PIGR: variants seen among roughly 807,000 people sequenced by gnomAD.
PIGR encodes polymeric immunoglobulin receptor, also known as hepatocellular carcinoma associated protein TB6.
PIGR carries 22 observed loss-of-function variants against 69.5 expected under a neutral mutation model. That is an observed-to-expected ratio of 0.32 (90% CI 0.23 to 0.45). The LOEUF (loss-of-function observed/expected upper bound fraction) is 0.45, where lower values mean the gene tolerates loss of function less well. PIGR is among the 20% of genes least tolerant of loss of function. The pLI, the probability that PIGR is intolerant of heterozygous loss-of-function variation, is 1.00. For missense variants in PIGR, 885 were observed against 974.0 expected, an observed-to-expected ratio of 0.91 and a Z score of 1.22; for synonymous variants, 413 against 407.6, an observed-to-expected ratio of 1.01 and a Z score of -0.16.
intron 10 of PIGR, chr1:206,931,255 G>T (rs1679741144): frequency 1.0e-6 from 1 of 985,264 alleles, no homozygotes; most frequent in African/African-American, 1.7e-5. Context: ...CCTCTCTCCT[G>T]CAGTTTTACA....
chr1:206,933,065 T>G lies in PIGR; in HGVS notation c.1807A>C (p.Arg603=). The G allele has an allele frequency of 6.2e-7, 1 of 1,614,228 alleles. No individual in the cohort carries two copies. The stretch of plus-strand genomic sequence containing the variant: ...ACCGCCTTTTCCTCTGCAAAAAGCC[T>G]GGGATCCTGAATGGCTTTGTTCTCA... ...EIENKAIQDP[R]LFAEEKAVAD... The change falls in exon 7 of 11, where the codon AGG becomes CGG. Residue 603 remains arginine (R), a synonymous_variant. Coordinates refer to ENST00000356495, the MANE Select transcript of PIGR (RefSeq NM_002644.4).
intron 7 of PIGR, 27 bp downstream of exon 7, chr1:206,932,959 A>G (rs1679786828): frequency 6.2e-7 from 1 of 1,611,326 alleles, no homozygotes; most frequent in Admixed American, 1.7e-5. Context: ...GTGTTCTCCG[A>G]GTGGGGAGCC....
At chr1:206,931,406 C>G in intron 10 of PIGR, 91 bp downstream of exon 10, 3 of 1,611,996 alleles carry the variant, frequency 1.9e-6, no homozygotes, top group Non-Finnish European at 2.5e-6. Flanking sequence ...GGATCGGCCC[C>G]CATGTTGAGG....
chr1:206,944,884 G>A (rs962168145), intron 1 of PIGR, among the ~76,000 whole-genome samples: 3 of 152,056 alleles, frequency 2.0e-5, no homozygotes, highest in Non-Finnish European at 4.4e-5. Flanking sequence ...ATAGACTCAC[G>A]GTGTCTTGGT....
At chr1:206,933,290 G>A (rs887426166) in intron 6 of PIGR, 124 bp from the exon 7 acceptor site, 1 of 883,334 alleles carries the variant, frequency 1.1e-6, no homozygotes, top group African/African-American at 1.7e-5. Flanking sequence ...CAAGGCTGTT[G>A]GGGTAGGACC....
At position 206,933,068 on chromosome 1, in the gene PIGR, G is replaced by A; in HGVS notation, c.1804C>T (p.Pro602Ser). ...GCCTTTTCCTCTGCAAAAAGCCTGGGATCCTGAATGGCTTTGTTCTCAATC... is the reference window on the plus strand; with the variant it reads ...GCCTTTTCCTCTGCAAAAAGCCTGGAATCCTGAATGGCTTTGTTCTCAATC... ...REIENKAIQD[P>S]RLFAEEKAVA... Residue 602 changes from proline to serine, a missense_variant, in exon 7 of 11, where the codon CCC becomes TCC. By Grantham distance (74) the Pro-to-Ser change is moderately conservative. Coordinates refer to ENST00000356495, the MANE Select transcript of PIGR (RefSeq NM_002644.4). 6.2e-7 allele frequency: 1 copy of A among 1,614,180 alleles called. No homozygotes were observed. The highest frequency in any genetic ancestry group is 8.5e-7 in the Non-Finnish European group (1 of 1,180,010).
chr1:206,931,098 G>T, intron 10 of PIGR: 1 of 985,444 alleles, frequency 1.0e-6, no homozygotes, highest in Non-Finnish European at 1.2e-6. Context: ...CAGGCAAAAA[G>T]CTGGTCCTGA....
At position 206,930,445 on chromosome 1, in the gene PIGR, G is replaced by C. The variant is rs1679714770; in HGVS notation, c.2200-32C>G. ...GGCAAGAGGAGAGGCATCAGTGTTGGGGGCACTGGCTCAGTGGGTGGAGTC... is the reference window on the plus strand; with the variant it reads ...GGCAAGAGGAGAGGCATCAGTGTTGCGGGCACTGGCTCAGTGGGTGGAGTC... On this transcript the variant is annotated intron_variant, in intron 10 of 10. Transcript: ENST00000356495. The surrounding 1 kb of genome is among the most constrained non-coding windows in gnomAD (Gnocchi z 4.3). 6.2e-7 allele frequency: 1 copy of C among 1,603,720 alleles called. No individual in the cohort carries two copies. The highest frequency in any genetic ancestry group is 8.5e-7 in the Non-Finnish European group (1 of 1,175,122).
intron 1 of PIGR, among the ~76,000 whole-genome samples, chr1:206,943,328 A>G (rs1680034396): frequency 6.6e-6 from 1 of 152,154 alleles, no homozygotes; most frequent in African/African-American, 2.4e-5. Context: ...ATTTGAGGTC[A>G]CTACCCCATT....
Position 206,935,559 on chromosome 1 carries a change from G to C in PIGR, c.1305C>G (p.Asp435Glu). 6.2e-7 allele frequency: 1 copy of C among 1,614,182 alleles called. No individual in the cohort carries two copies. Among genetic ancestry groups the C allele is most frequent in the Non-Finnish European group, 8.5e-7 (1 of 1,180,020 alleles). The part of the protein sequence containing the change: ...TVILNQLTSR[D>E]AGFYWCLTNG... ...TGGTCAGACACCAGTAGAAGCCGGC[G>C]TCCCGGCTGGTGAGCTGGTTGAGGA... The change falls in exon 5 of 11, where the codon GAC (aspartate) becomes GAG (glutamate). Residue 435 changes from aspartate (D) to glutamate (E), a missense_variant. Physicochemically the swap from Asp to Glu is conservative, Grantham distance 45. Coordinates refer to ENST00000356495, the MANE Select transcript of PIGR (RefSeq NM_002644.4). The surrounding 1 kb of genome is among the most constrained non-coding windows in gnomAD (Gnocchi z 4.4).
intron 1 of PIGR, among the ~76,000 whole-genome samples, chr1:206,943,909 A>T (rs948306735): frequency 2.0e-5 from 3 of 152,136 alleles, no homozygotes; most frequent in African/African-American, 7.2e-5. Context: ...ACCATAGGAG[A>T]TGGGACAAAA....
intron 8 of PIGR, among the ~76,000 whole-genome samples, chr1:206,932,226 C>T (rs1379379548): frequency 6.6e-6 from 1 of 152,192 alleles, no homozygotes; most frequent in Non-Finnish European, 1.5e-5. Context: ...TGTCTCTGAA[C>T]CTAGATCCTG....
rs1439057759 is a variant in PIGR at position 206,930,359 on chromosome 1, T to C, written c.2254A>G (p.Thr752Ala). ...AYKDFLLQSS[T>A]VAAEAQDGPQ... ...CCGTCCTGGGCCTCGGCGGCCACGG[T>C]GCTGGACTGGAGCAGGAAGTCTTTG... is the stretch of plus-strand genomic sequence containing the variant. The change falls in exon 11 of 11, where the codon ACC (threonine) becomes GCC (alanine). Residue 752 changes from threonine to alanine, a missense_variant. By Grantham distance (58) the Thr-to-Ala change is moderately conservative. Transcript: ENST00000356495. This position sits in a 1 kb window ranked among gnomAD's most constrained non-coding sequence, Gnocchi z 4.3. 6.2e-7 allele frequency: 1 copy of C among 1,612,816 alleles called. No homozygotes were observed. The highest frequency in any genetic ancestry group is 1.3e-5 in the African/African-American group (1 of 74,950).
At position 206,930,699 on chromosome 1, in the gene PIGR, C is replaced by A; in HGVS notation, c.2200-286G>T. 2 of 985,442 alleles carry A rather than the reference C, an allele frequency of 2.0e-6. No homozygotes were observed. The highest frequency in any genetic ancestry group is 2.4e-6 in the Non-Finnish European group (2 of 829,942). 61.0% of individuals were successfully genotyped at this position (985,442 alleles called of 1,614,324 possible). On this transcript the variant is annotated intron_variant, in intron 10 of 10. Transcript: ENST00000356495. The surrounding 1 kb of genome is among the most constrained non-coding windows in gnomAD (Gnocchi z 4.3). ...CGGGCCTGTCCCCGGAAGCTGCCCA[C>A]ACAGTCCACGGGCAAGGTGGCCTAG...
rs1197526743 is a variant in PIGR, at chr1:206,930,312, C to T, written c.*6G>A. The T allele has an allele frequency of 2.5e-6, 4 of 1,608,528 alleles. No individual in the cohort carries two copies. The East Asian group carries it at 6.7e-5, about 27-fold the overall frequency. ...CATGGGTGCAGGGAGCAGGCGGCGA[C>T]ACCGTCTAGGCTTCCTGGGGGCCGT... On this transcript the variant is annotated 3_prime_UTR_variant, in exon 11 of 11. Coordinates refer to ENST00000356495, the MANE Select transcript of PIGR (RefSeq NM_002644.4). This position sits in a 1 kb window ranked among gnomAD's most constrained non-coding sequence, Gnocchi z 4.3.
Position 206,934,586 on chromosome 1 carries a change from G to A in PIGR, c.1539C>T (p.Pro513=). The part of the protein sequence containing the change: ...CQALPSQDEG[P]SKAFVNCDEN... ...CGTCACAGTTCACGAAGGCCTTGCT[G>A]GGGCCTTCGTCTTGGCTGGGCAGGG... Residue 513 remains proline, a synonymous_variant, in exon 6 of 11, where the codon CCC becomes CCT. Transcript: ENST00000356495. 6.2e-7 allele frequency: 1 copy of A among 1,614,208 alleles called. No homozygotes were observed. Among genetic ancestry groups the A allele is most frequent in the East Asian group, 2.2e-5 (1 of 44,876 alleles).
At chr1:206,941,849 T>C (rs1679993329) in intron 1 of PIGR, among the ~76,000 whole-genome samples, 1 of 152,172 alleles carries the variant, frequency 6.6e-6, no homozygotes, top group Non-Finnish European at 1.5e-5. Context: ...CTTTAAACTT[T>C]GGAGTTGTCT....
chr1:206,932,372 A>C, intron 8 of PIGR, 84 bp downstream of exon 8: 1 of 1,428,902 alleles, frequency 7.0e-7, no homozygotes, highest in Non-Finnish European at 9.4e-7. Flanking sequence ...AAGAAGAGAC[A>C]CAGCAGCTTC....
Position 206,929,222 on chromosome 1 carries a change from G to A in PIGR, c.*1096C>T, listed in dbSNP as rs968166324. The A allele has an allele frequency of 1.3e-5, 2 of 152,114 alleles. No individual in the cohort carries two copies. The highest frequency in any genetic ancestry group is 4.8e-5 in the African/African-American group (2 of 41,394). 9.4% of individuals were successfully genotyped at this position (152,114 alleles called of 1,614,324 possible). On this transcript the variant is annotated 3_prime_UTR_variant, in exon 11 of 11. Coordinates refer to ENST00000356495, the MANE Select transcript of PIGR (RefSeq NM_002644.4). Reference sequence around the variant, plus strand: ...TGTGTCACTGCATTCCAGTCTGGGTGACACAGTGAGACTTTGTCTCAAAAA... The same window carrying A: ...TGTGTCACTGCATTCCAGTCTGGGTAACACAGTGAGACTTTGTCTCAAAAA...
Sources: gnomAD v4.1 joint callset for allele counts (sites outside exome capture counted in the v4.1 genomes callset) on GRCh38, gnomAD v4.1.1 for gene constraint, Gnocchi (gnomAD v3.1) non-coding constraint, MANE v1.5 for transcripts, NCBI Gene and HGNC (gene_info 2026-07-23, HGNC 2026-07-21) for gene names.